The following PANK2 variants were observed in gnomAD, a reference collection of about 807,000 sequenced individuals.
PANK2 encodes the protein pantothenate kinase 2, also known as pantothenate kinase 2, mitochondrial.
A neutral mutation model predicts 43.1 loss-of-function variants in PANK2; 36 were observed. That is an observed-to-expected ratio of 0.84 (90% CI 0.64 to 1.10). The LOEUF (loss-of-function observed/expected upper bound fraction) is 1.10. PANK2 is among the 50% of genes least tolerant of loss of function. The pLI, the probability that PANK2 is intolerant of heterozygous loss-of-function variation, is 0.00. For missense variants in PANK2, 576 were observed against 593.3 expected (o/e 0.97, Z 0.30); for synonymous variants, 281 against 238.2 (o/e 1.18, Z -1.66).
Position 3,907,930 on chromosome 20 carries a change from T to C in PANK2, c.303T>C (p.Phe101=), listed in dbSNP as rs1443744557. 6.2e-7 allele frequency: 1 copy of C among 1,614,140 alleles called. No homozygotes were observed. Among genetic ancestry groups the C allele is most frequent in the Non-Finnish European group, 8.5e-7 (1 of 1,179,988 alleles). Residue 101 remains phenylalanine, a synonymous_variant, in exon 2 of 7, where the codon TTT becomes TTC. Transcript: ENST00000610179. ...TTATTTTTCTTCCCCATTTAGTTTT[T>C]CCATGGTTTGGACTGGATATCGGTG... is the stretch of plus-strand genomic sequence containing the variant.
intron 4 of PANK2, among the ~76,000 whole-genome samples, chr20:3,914,646 C>T (rs1315906775): frequency 6.6e-6 from 1 of 151,664 alleles, no homozygotes; most frequent in Non-Finnish European, 1.5e-5. Context: ...GTTGCCCAGG[C>T]TGGAGTGCAG....
In PANK2 at chr20:3,908,120, C is replaced by T; in HGVS notation, c.493C>T (p.Leu165=). The change falls in exon 2 of 7, where the codon CTG becomes TTG. Residue 165 remains leucine (L), a synonymous_variant. Coordinates refer to ENST00000610179, the MANE Select transcript of PANK2 (RefSeq NM_001386393.1). Reference sequence around the variant, plus strand: ...GCACCTCGAGCTGAAGGACCTGACTCTGTGTGGACGCAAAGGCAATCTGCA... The same window carrying T: ...GCACCTCGAGCTGAAGGACCTGACTTTGTGTGGACGCAAAGGCAATCTGCA... 1.2e-6 allele frequency: 2 copies of T among 1,614,204 alleles called. No individual in the cohort carries two copies. Among genetic ancestry groups the T allele is most frequent in the Non-Finnish European group, 8.5e-7 (1 of 1,180,050 alleles).
Position 3,889,701 on chromosome 20 carries a change from G to C in PANK2, c.271G>C (p.Val91Leu). 6.3e-7 allele frequency: 1 copy of C among 1,596,302 alleles called. No individual in the cohort carries two copies. Among genetic ancestry groups the C allele is most frequent in the East Asian group, 2.2e-5 (1 of 44,816 alleles). ...CCCCACCTCGGTCTCCCGCCAGCGC[G>C]TCGAAAGCCTGAGGAAAAAGCGGCC... Residue 91 changes from valine (V) to leucine (L), a missense_variant, in exon 1 of 7, where the codon GTC (valine) becomes CTC (leucine). Physicochemically the swap from Val to Leu is conservative, Grantham distance 32. Coordinates refer to ENST00000610179, the MANE Select transcript of PANK2 (RefSeq NM_001386393.1).
In PANK2 at chr20:3,889,497, A is replaced by G. The variant is rs2146804825; in HGVS notation, c.67A>G (p.Met23Val). The G allele has an allele frequency of 7.5e-6, 11 of 1,469,120 alleles. No individual in the cohort carries two copies. The highest frequency in any genetic ancestry group is 8.0e-6 in the Non-Finnish European group (9 of 1,120,328). The allele number at this position is 1,469,120 out of a possible 1,614,324, so 91.0% of individuals were successfully genotyped here. The change falls in exon 1 of 7, where the codon ATG becomes GTG. Residue 23 changes from methionine (M) to valine (V), a missense_variant. By Grantham distance (21) the Met-to-Val change is conservative. Around this residue, in one of 2 missense-constraint regions of PANK2, gnomAD observed 544 missense variants for 528.9 expected, o/e 1.03. Coordinates refer to ENST00000610179, the MANE Select transcript of PANK2 (RefSeq NM_001386393.1). ...GGGAGGGGGCCGGCTCGGCGCGCCC[A>G]TGGAGCGCCACGGCAGGGCTTCCGC... is the stretch of plus-strand genomic sequence containing the variant.
intron 1 of PANK2, chr20:3,890,046 G>C: frequency 1.2e-6 from 1 of 815,206 alleles, no homozygotes; most frequent in East Asian, 3.7e-5. Context: ...TCCTCGAGAA[G>C]GCTTCTTTTG....
chr20:3,904,621 T>A (rs1251078817), intron 1 of PANK2, among the ~76,000 whole-genome samples: 1 of 152,188 alleles, frequency 6.6e-6, no homozygotes, highest in African/African-American at 2.4e-5. Flanking sequence ...TTGCATGGAT[T>A]CTTTTGTACG....
intron 5 of PANK2, 145 bp downstream of exon 5, chr20:3,917,195 T>A: frequency 1.1e-6 from 1 of 946,548 alleles, no homozygotes; most frequent in Non-Finnish European, 1.6e-6. Flanking sequence ...ACTCTTCAAA[T>A]ACAGATTAAT....
chr20:3,893,268 A>T (rs2090152726), intron 1 of PANK2, among the ~76,000 whole-genome samples: 1 of 152,118 alleles, frequency 6.6e-6, no homozygotes, highest in Non-Finnish European at 1.5e-5. Flanking sequence ...TTCTTGGTCC[A>T]CATTTTGGGG....
chr20:3,892,552 C>T (rs927282153), intron 1 of PANK2, among the ~76,000 whole-genome samples: 15 of 151,410 alleles, frequency 9.9e-5, no homozygotes, highest in Non-Finnish European at 8.8e-5. Context: ...TGACGCGTGC[C>T]CGTAGTCGCA....
At chr20:3,901,096 G>A (rs1043793127) in intron 1 of PANK2, among the ~76,000 whole-genome samples, 45 of 151,774 alleles carry the variant, frequency 3.0e-4, no homozygotes, top group African/African-American at 1.1e-3. Flanking sequence ...ATCTTGCTCT[G>A]CTGCCAGGCT....
At chr20:3,922,485 T>G (rs2090661721) in intron 6 of PANK2, among the ~76,000 whole-genome samples, 1 of 152,182 alleles carries the variant, frequency 6.6e-6, no homozygotes, top group Admixed American at 6.5e-5. Context: ...TCCTCAGGCT[T>G]TGCTCTTTGT....
rs369907187 is a variant in PANK2, at chr20:3,912,675, G to C, written c.1082+41G>C. ...TGTTCTAAGAAATACAGGCGGGCCGGGCGCGGTGGCTCATGCCTTTAATCC... is the reference window on the plus strand; with the variant it reads ...TGTTCTAAGAAATACAGGCGGGCCGCGCGCGGTGGCTCATGCCTTTAATCC... On this transcript the variant is annotated intron_variant, in intron 4 of 6. Coordinates refer to ENST00000610179, the MANE Select transcript of PANK2 (RefSeq NM_001386393.1). 3.7e-6 allele frequency: 6 copies of C among 1,608,494 alleles called. No individual in the cohort carries two copies. In the African/African-American group the frequency reaches 8.0e-5, roughly 22 times the overall value.
intron 1 of PANK2, among the ~76,000 whole-genome samples, chr20:3,897,264 G>T (rs1294840458): frequency 2.0e-5 from 3 of 152,204 alleles, no homozygotes; most frequent in Non-Finnish European, 4.4e-5. Flanking sequence ...TTGAAATGTG[G>T]CCTAAGTCAA....
At chr20:3,911,403 T>C (rs1007810461) in intron 3 of PANK2, among the ~76,000 whole-genome samples, 1 of 137,442 alleles carries the variant, frequency 7.3e-6, no homozygotes, top group Admixed American at 7.3e-5. Context: ...GCCAACATGG[T>C]GAAACCCCAT....
intron 1 of PANK2, among the ~76,000 whole-genome samples, chr20:3,899,235 A>G (rs2090259799): frequency 1.3e-5 from 2 of 148,276 alleles, no homozygotes; most frequent in African/African-American, 5.0e-5. Flanking sequence ...GCAGTGATGT[A>G]GTGTAGGCTC....
intron 4 of PANK2, among the ~76,000 whole-genome samples, chr20:3,916,606 C>T (rs1240512114): frequency 6.6e-6 from 1 of 152,126 alleles, no homozygotes; most frequent in African/African-American, 2.4e-5. Flanking sequence ...GAGGTGTTGT[C>T]CTGGAACTGT....
chr20:3,926,393 AGAG>A lies in PANK2; in HGVS notation c.*3103_*3105del, dbSNP rs2090720009. ...GGGCCTGTGGCTCAGGGGACTGAGA[AGAG>A]GAGCTCTCTAGGCATCTGAATTGAG... On this transcript the variant is annotated 3_prime_UTR_variant, in exon 7 of 7. Coordinates refer to ENST00000610179, the MANE Select transcript of PANK2 (RefSeq NM_001386393.1). 6.6e-6 allele frequency: 1 copy of A among 152,196 alleles called. No homozygotes were observed. The highest frequency in any genetic ancestry group is 2.4e-5 in the African/African-American group (1 of 41,452). 9.4% of individuals were successfully genotyped at this position (152,196 alleles called of 1,614,324 possible). A position where few individuals can be genotyped will look rare whatever the true frequency, so the allele number is the denominator to read the frequency against.
intron 4 of PANK2, among the ~76,000 whole-genome samples, chr20:3,913,028 A>C (rs2090493860): frequency 6.6e-6 from 1 of 151,812 alleles, no homozygotes; most frequent in Non-Finnish European, 1.5e-5. Context: ...CTATAAAGTC[A>C]GCTGTTTGAA....
At chr20:3,898,916 C>G (rs1025481289) in intron 1 of PANK2, among the ~76,000 whole-genome samples, 1 of 151,800 alleles carries the variant, frequency 6.6e-6, no homozygotes, top group Non-Finnish European at 1.5e-5. Context: ...TTGCTGTTGT[C>G]TAGGCTGGAG....
Sources: allele counts gnomAD v4.1 joint callset (sites outside exome capture counted in the v4.1 genomes callset), GRCh38; gene constraint gnomAD v4.1.1; regional missense constraint gnomAD v4.1.1; transcripts MANE v1.5; gene names NCBI Gene and HGNC (gene_info 2026-07-23, HGNC 2026-07-21).